Variants in MAP3K5 observed in about 807,000 individuals in gnomAD.
MAP3K5 encodes ASK-1.
Under a neutral mutation model 158.7 loss-of-function variants are expected in MAP3K5, and 56 were observed. The observed-to-expected ratio is 0.35, with a 90% CI of 0.28 to 0.44. MAP3K5 has a LOEUF of 0.44. Ranked by LOEUF, MAP3K5 falls within the 20% of genes least tolerant of loss-of-function variation. The probability of loss-of-function intolerance (pLI) is 1.00; values close to 1 mark genes in which losing one functional copy is unlikely to be tolerated. For synonymous variants in MAP3K5, 579 were observed against 601.7 expected, an observed-to-expected ratio of 0.96 and a Z score of 0.55; for missense variants, 1,294 against 1,674.8, an observed-to-expected ratio of 0.77 and a Z score of 3.97.
intron 15 of MAP3K5, among the ~76,000 whole-genome samples, chr6:136,615,708 T>C (rs947194469): frequency 1.3e-5 from 2 of 152,196 alleles, no homozygotes; most frequent in African/African-American, 4.8e-5. Context: ...CCTCGAGATA[T>C]AGATCTATAT....
At chr6:136,614,309 T>G in intron 15 of MAP3K5, 23 bp from the exon 16 acceptor site, 1 of 1,608,512 alleles carries the variant, frequency 6.2e-7, no homozygotes, top group South Asian at 1.1e-5. Flanking sequence ...CAATTGTCAA[T>G]GAGTTAATTA....
intron 1 of MAP3K5, among the ~76,000 whole-genome samples, chr6:136,771,087 G>GC (rs1352794126): frequency 6.6e-6 from 1 of 152,166 alleles, no homozygotes; most frequent in Non-Finnish European, 1.5e-5. Context: ...CTGTGGGCCA[G>GC]CCAGCAGGTA....
chr6:136,570,511 C>T (rs754600113), intron 25 of MAP3K5, among the ~76,000 whole-genome samples: 12 of 152,120 alleles, frequency 7.9e-5, no homozygotes, highest in African/African-American at 2.9e-4. Flanking sequence ...CATTACTGTT[C>T]GGTAGGCACC....
rs576634445 is a variant in MAP3K5 at position 136,696,133 on chromosome 6, C to T, written c.976-76G>A. 202 of 785,398 alleles carry T rather than the reference C, an allele frequency of 2.6e-4. 1 individual carries two copies. Among genetic ancestry groups the T allele is most frequent in the Non-Finnish European group, 4.0e-4 (187 of 473,026 alleles). 48.7% of individuals were successfully genotyped at this position (785,398 alleles called of 1,614,324 possible). A position where few individuals can be genotyped will look rare whatever the true frequency, so the allele number is the denominator to read the frequency against. On this transcript the variant is annotated intron_variant, in intron 5 of 29. Transcript: ENST00000359015. ...CTCACAATAACGTGTCTTTTGACAA[C>T]CAGATATCTGAATTCAAGAAACACA...
At chr6:136,668,105 C>T (rs9389421) in intron 8 of MAP3K5, among the ~76,000 whole-genome samples, 2 of 151,856 alleles carry the variant, frequency 1.3e-5, no homozygotes, top group Admixed American at 1.3e-4. Context: ...AAAGTGGGCC[C>T]GGTGCGGTGG....
intron 1 of MAP3K5, among the ~76,000 whole-genome samples, chr6:136,777,134 A>T (rs1183768649): frequency 6.6e-6 from 1 of 152,206 alleles, no homozygotes; most frequent in Non-Finnish European, 1.5e-5. Context: ...TATTCTTGTC[A>T]TAACTCATGT....
At chr6:136,699,610 G>A (rs757561100) in intron 3 of MAP3K5, among the ~76,000 whole-genome samples, 3 of 152,162 alleles carry the variant, frequency 2.0e-5, no homozygotes, top group Non-Finnish European at 4.4e-5. Flanking sequence ...CCTGGATGAT[G>A]CCCAAGCGAG....
chr6:136,629,590 G>A (rs1011189813), intron 14 of MAP3K5, among the ~76,000 whole-genome samples: 4 of 151,578 alleles, frequency 2.6e-5, no homozygotes, highest in African/African-American at 4.9e-5. Context: ...GAGCAGCTGG[G>A]ACTACAGGTG....
chr6:136,561,456 G>A lies in MAP3K5; in HGVS notation c.3987+77C>T, dbSNP rs1156864298. On this transcript the variant is annotated intron_variant, in intron 28 of 29. Coordinates refer to ENST00000359015, the MANE Select transcript of MAP3K5 (RefSeq NM_005923.4). ...TGATTTGCTCACCAGTGTATCCCCT[G>A]TGCCTGTCACATAGCAGGCACCCAA... 6 of 1,058,494 alleles carry A rather than the reference G, an allele frequency of 5.7e-6. No homozygotes were observed. In the East Asian group the frequency reaches 7.2e-5, roughly 13 times the overall value. The allele number at this position is 1,058,494 out of a possible 1,614,324, so 65.6% of individuals were successfully genotyped here.
intron 25 of MAP3K5, among the ~76,000 whole-genome samples, chr6:136,572,620 A>G (rs1156376571): frequency 6.6e-6 from 1 of 152,226 alleles, no homozygotes; most frequent in Admixed American, 6.5e-5. Flanking sequence ...AAAATTTATA[A>G]TCCTATTATA....
intron 18 of MAP3K5, among the ~76,000 whole-genome samples, chr6:136,610,208 AGT>A (rs1317290119): frequency 6.6e-6 from 1 of 151,858 alleles, no homozygotes; most frequent in African/African-American, 2.4e-5. Flanking sequence ...AGCATGATGG[AGT>A]GATAAGAACT....
chr6:136,687,722 T>A (rs997525986), intron 7 of MAP3K5, among the ~76,000 whole-genome samples: 10 of 152,190 alleles, frequency 6.6e-5, no homozygotes, highest in African/African-American at 2.4e-4. Context: ...CAAAATGAGA[T>A]ACCATCTCAT....
chr6:136,755,227 C>T (rs1336582647), intron 1 of MAP3K5, among the ~76,000 whole-genome samples: 2 of 152,170 alleles, frequency 1.3e-5, no homozygotes, highest in African/African-American at 4.8e-5. Flanking sequence ...TCCTGCCTCC[C>T]TCTCCAGCCG....
Position 136,567,758 on chromosome 6 carries a change from C to T in MAP3K5, c.3634G>A (p.Ala1212Thr), listed in dbSNP as rs965336708. 1.1e-5 allele frequency: 17 copies of T among 1,614,098 alleles called. No individual in the cohort carries two copies. The highest frequency in any genetic ancestry group is 1.4e-5 in the Non-Finnish European group (17 of 1,180,008). The change falls in exon 26 of 30, where the codon GCT becomes ACT. Residue 1212 changes from alanine to threonine, a missense_variant. Around this residue, in one of 5 missense-constraint regions of MAP3K5, gnomAD observed 199 missense variants for 220.3 expected, o/e 0.90. Coordinates refer to ENST00000359015, the MANE Select transcript of MAP3K5 (RefSeq NM_005923.4). Reference sequence around the variant, plus strand: ...GTAGCCACAGCATCTTCAATGACAGCCTGAGGTCTTCGGACAGTTTGATTT... The same window carrying T: ...GTAGCCACAGCATCTTCAATGACAGTCTGAGGTCTTCGGACAGTTTGATTT... ...PSNQTVRRPQ[A>T]VIEDAVATSG...
chr6:136,562,461 G>T, intron 27 of MAP3K5, 42 bp downstream of exon 27: 2 of 1,016,458 alleles, frequency 2.0e-6, no homozygotes, highest in South Asian at 1.9e-5. Context: ...TTTTGTGGCA[G>T]CCTGGCTGAA....
At chr6:136,767,915 G>A (rs1400999097) in intron 1 of MAP3K5, among the ~76,000 whole-genome samples, 2 of 152,186 alleles carry the variant, frequency 1.3e-5, no homozygotes, top group Non-Finnish European at 2.9e-5. Context: ...TTTTACAAGG[G>A]TGATACGAAA....
chr6:136,693,036 G>C (rs1780457391), intron 7 of MAP3K5, among the ~76,000 whole-genome samples: 1 of 152,054 alleles, frequency 6.6e-6, no homozygotes, highest in Non-Finnish European at 1.5e-5. Flanking sequence ...TTTTTCTAAA[G>C]TATTTTTTCA....
chr6:136,609,168 G>A lies in MAP3K5; in HGVS notation c.2521+2114C>T, dbSNP rs955207766. Among the ~76,000 whole-genome samples the A allele has an allele frequency of 3.9e-5, 6 of 152,300 alleles. No individual in the cohort carries two copies. The highest frequency in any genetic ancestry group is 3.9e-4 in the Admixed American group (6 of 15,306). On this transcript the variant is annotated intron_variant, in intron 18 of 29. Transcript: ENST00000359015. The surrounding 1 kb of genome is among the most constrained non-coding windows in gnomAD (Gnocchi z 4.4). ...TCCTGTCCCACAAAGTGTGTGAAACGAGGGATTTTCCTCTCAGAAATTACT... is the reference window on the plus strand; with the variant it reads ...TCCTGTCCCACAAAGTGTGTGAAACAAGGGATTTTCCTCTCAGAAATTACT...
intron 17 of MAP3K5, among the ~76,000 whole-genome samples, chr6:136,611,776 T>C (rs1427248586): frequency 6.6e-6 from 1 of 152,238 alleles, no homozygotes; most frequent in Non-Finnish European, 1.5e-5. Flanking sequence ...TAAACTATCT[T>C]TGTAAAACTA....
Sources: allele counts gnomAD v4.1 joint callset (sites outside exome capture counted in the v4.1 genomes callset), GRCh38; gene constraint gnomAD v4.1.1; regional missense constraint gnomAD v4.1.1; non-coding constraint Gnocchi (gnomAD v3.1); transcripts MANE v1.5; gene names NCBI Gene and HGNC (gene_info 2026-07-23, HGNC 2026-07-21).